Variants in UTRN observed in about 807,000 individuals in gnomAD.
The protein encoded by UTRN is utrophin, also known as dystrophin-related protein 1.
In UTRN, 283 loss-of-function variants were observed where a neutral mutation model predicts 463.9. The observed-to-expected ratio is 0.61, with a 90% CI of 0.55 to 0.67. UTRN has a LOEUF of 0.67. Among genes scored for constraint, UTRN ranks in the 30% least tolerant of loss-of-function variants. The pLI, the probability that UTRN is intolerant of heterozygous loss-of-function variation, is 0.00. For missense variants in UTRN, 3,922 were observed against 4,084.3 expected, an observed-to-expected ratio of 0.96 and a Z score of 1.08; for synonymous variants, 1,442 against 1,431.5, an observed-to-expected ratio of 1.01 and a Z score of -0.17.
chr6:144,315,011 C>T (rs546862793), intron 2 of UTRN, among the ~76,000 whole-genome samples: 26 of 151,938 alleles, frequency 1.7e-4, no homozygotes, highest in Middle Eastern at 3.4e-3. Flanking sequence ...TTCATGAGCT[C>T]GAATGGCTTA....
chr6:144,612,797 G>T (rs1032793168), intron 51 of UTRN, among the ~76,000 whole-genome samples: 15 of 151,998 alleles, frequency 9.9e-5, no homozygotes, highest in African/African-American at 3.4e-4. Flanking sequence ...TGGTATGAAG[G>T]TTCTTAAAAA....
At chr6:144,688,223 T>C (rs1382237665) in intron 52 of UTRN, among the ~76,000 whole-genome samples, 1 of 152,168 alleles carries the variant, frequency 6.6e-6, no homozygotes, top group Non-Finnish European at 1.5e-5. Context: ...TTCCAGAAGT[T>C]CTGTTTTTTT....
chr6:144,774,404 A>G, intron 60 of UTRN, 40 bp downstream of exon 60: 2 of 1,459,584 alleles, frequency 1.4e-6, no homozygotes, highest in Non-Finnish European at 1.8e-6. Flanking sequence ...TGTTACTTGA[A>G]TTGCGTTTTT....
At chr6:144,713,046 C>T (rs1188137960) in intron 53 of UTRN, among the ~76,000 whole-genome samples, 2 of 152,058 alleles carry the variant, frequency 1.3e-5, no homozygotes, top group African/African-American at 2.4e-5. Context: ...TTGAGGATCC[C>T]TTAGTGAAAT....
chr6:144,724,292 A>G (rs1399638852), intron 53 of UTRN, among the ~76,000 whole-genome samples: 1 of 138,772 alleles, frequency 7.2e-6, no homozygotes, highest in Non-Finnish European at 1.5e-5. Flanking sequence ...GCAGTGGCGC[A>G]ATCTCAGCCC....
rs745642642 is a variant in UTRN at position 144,754,736 on chromosome 6, G to A, written c.8372G>A (p.Arg2791His). 1.3e-5 allele frequency: 21 copies of A among 1,613,008 alleles called. No homozygotes were observed. Among genetic ancestry groups the A allele is most frequent in the Middle Eastern group, 3.3e-4 (2 of 6,066 alleles). Residue 2791 changes from arginine to histidine, a missense_variant, in exon 57 of 75, where the codon CGC becomes CAC. This residue lies in a region of UTRN where 1,309 missense variants were observed against 1,452.6 expected (regional missense o/e 0.90). Coordinates refer to ENST00000367545, the MANE Select transcript of UTRN (RefSeq NM_007124.3). ...WKLLQVSVDD[R>H]LKQLQEAHRD... ...TGTGTGCAGGTTTCTGTGGATGATC[G>A]CCTTAAACAGCTTCAGGAAGCCCAC...
intron 2 of UTRN, among the ~76,000 whole-genome samples, chr6:144,397,081 T>TA (rs1782502517): frequency 6.6e-6 from 1 of 152,018 alleles, no homozygotes; most frequent in African/African-American, 2.4e-5. Context: ...CCGTCTCTAC[T>TA]AAAAATACAA....
intron 61 of UTRN, among the ~76,000 whole-genome samples, chr6:144,784,648 T>A (rs985615493): frequency 6.6e-6 from 1 of 152,220 alleles, no homozygotes; most frequent in Non-Finnish European, 1.5e-5. Context: ...CTCTTTTCAC[T>A]GGACAGCCCA....
At chr6:144,804,087 A>G (rs1777935534) in intron 65 of UTRN, among the ~76,000 whole-genome samples, 1 of 152,134 alleles carries the variant, frequency 6.6e-6, no homozygotes, top group African/African-American at 2.4e-5. Flanking sequence ...CTTCCAAATA[A>G]TGCCCAAATG....
In UTRN at chr6:144,479,056, A is replaced by T. The variant is rs191022775; in HGVS notation, c.3337-756A>T. On this transcript the variant is annotated intron_variant, in intron 25 of 74. Coordinates refer to ENST00000367545, the MANE Select transcript of UTRN (RefSeq NM_007124.3). ...TCCCTCCCTGCTTTTTAAAAGTGAA[A>T]TCTTAATGGGAAGTGCAGTTAAAAA... 3.4e-4 allele frequency among the ~76,000 whole-genome samples: 52 copies of T among 151,360 alleles called. No individual in the cohort carries two copies. The Middle Eastern group carries it at 0.01, about 30-fold the overall frequency.
At chr6:144,589,167 G>GT (rs1802761640) in intron 51 of UTRN, among the ~76,000 whole-genome samples, 1 of 152,150 alleles carries the variant, frequency 6.6e-6, no homozygotes, top group African/African-American at 2.4e-5. Context: ...ATGTTGAACT[G>GT]TTTGCACAAT....
At chr6:144,509,576 G>A (rs1421496121) in intron 34 of UTRN, among the ~76,000 whole-genome samples, 2 of 151,984 alleles carry the variant, frequency 1.3e-5, no homozygotes, top group Admixed American at 6.6e-5. Flanking sequence ...CTTCATTAGA[G>A]TAAATCAAAT....
At chr6:144,804,025 AT>A (rs1360100114) in intron 65 of UTRN, among the ~76,000 whole-genome samples, 1 of 151,940 alleles carries the variant, frequency 6.6e-6, no homozygotes, top group Non-Finnish European at 1.5e-5. Flanking sequence ...ATTTACAGCT[AT>A]TTTTTCCTGA....
intron 51 of UTRN, among the ~76,000 whole-genome samples, chr6:144,663,379 G>A (rs1254201840): frequency 6.6e-6 from 1 of 152,138 alleles, no homozygotes; most frequent in Non-Finnish European, 1.5e-5. Context: ...CCAGCCAATA[G>A]GTAGTTTTAT....
At chr6:144,682,754 A>C (rs1782339046) in intron 52 of UTRN, among the ~76,000 whole-genome samples, 1 of 152,248 alleles carries the variant, frequency 6.6e-6, no homozygotes, top group African/African-American at 2.4e-5. Flanking sequence ...TGAATAAGAT[A>C]AAATTAAAAT....
At chr6:144,468,493 A>AT (rs5880593) in intron 23 of UTRN, among the ~76,000 whole-genome samples, 27 of 150,756 alleles carry the variant, frequency 1.8e-4, no homozygotes, top group South Asian at 6.3e-4. Flanking sequence ...TACTTAGTTT[A>AT]TTTTTTTTTG....
chr6:144,519,727 G>T (rs12193683), intron 39 of UTRN, among the ~76,000 whole-genome samples: 2,311 of 152,186 alleles, frequency 0.015, 33 homozygotes, highest in African/African-American at 0.036. Flanking sequence ...AAAAATCCTG[G>T]ATTGTCCTAT....
intron 50 of UTRN, among the ~76,000 whole-genome samples, chr6:144,560,310 T>A (rs1232429033): frequency 2.0e-5 from 3 of 152,140 alleles, no homozygotes; most frequent in African/African-American, 7.2e-5. Context: ...TTGCTGACAT[T>A]CTTGGTGACT....
chr6:144,470,155 C>G (rs1584913920), intron 23 of UTRN, among the ~76,000 whole-genome samples: 1 of 152,252 alleles, frequency 6.6e-6, no homozygotes, highest in East Asian at 1.9e-4. Context: ...CCACACTTCC[C>G]CCCCTTCTAT....
Sources: gnomAD v4.1 joint callset for allele counts (sites outside exome capture counted in the v4.1 genomes callset) on GRCh38, gnomAD v4.1.1 for gene constraint, gnomAD v4.1.1 regional missense constraint, MANE v1.5 for transcripts, NCBI Gene and HGNC (gene_info 2026-07-23, HGNC 2026-07-21) for gene names.